Variants in PARN observed in about 807,000 individuals in gnomAD.
The protein encoded by PARN is poly(A)-specific ribonuclease PARN.
PARN carries 71 observed loss-of-function variants against 102.8 expected under a neutral mutation model. That is an observed-to-expected ratio of 0.69 (90% CI 0.57 to 0.84). The LOEUF is 0.84. PARN is among the 40% of genes least tolerant of loss of function. PARN has a pLI of 0.00. For synonymous variants in PARN, 261 were observed against 252.9 expected, an observed-to-expected ratio of 1.03 and a Z score of -0.30; for missense variants, 782 against 760.9, an observed-to-expected ratio of 1.03 and a Z score of -0.33.
chr16:14,512,797 G>A (rs906514950), intron 21 of PARN, among the ~76,000 whole-genome samples: 6 of 152,250 alleles, frequency 3.9e-5, no homozygotes, highest in Admixed American at 1.3e-4. Context: ...GAATTTGACC[G>A]TTCAGGTAAA....
chr16:14,604,278 G>A (rs1378748054), intron 10 of PARN, 52 bp from the exon 11 acceptor site: 3 of 1,167,698 alleles, frequency 2.6e-6, no homozygotes, highest in South Asian at 1.4e-5. Context: ...CTTTTTTTTT[G>A]AGACAGAGTT....
chr16:14,468,389 AT>A (rs1962498285), intron 22 of PARN, among the ~76,000 whole-genome samples: 1 of 152,366 alleles, frequency 6.6e-6, no homozygotes, highest in Admixed American at 6.5e-5. Context: ...CAGTCGGTCC[AT>A]GTTTTTAGAG....
At chr16:14,479,745 T>G (rs911007801) in intron 22 of PARN, among the ~76,000 whole-genome samples, 2 of 151,550 alleles carry the variant, frequency 1.3e-5, no homozygotes, top group African/African-American at 4.8e-5. Context: ...AGGTAGTGAG[T>G]CAAACCAATG....
chr16:14,551,526 G>T (rs368061859), intron 21 of PARN, among the ~76,000 whole-genome samples: 2 of 151,968 alleles, frequency 1.3e-5, no homozygotes, highest in East Asian at 3.9e-4. Flanking sequence ...CCGACATTGC[G>T]CCACTGCACT....
chr16:14,566,545 AT>A (rs1249873970), intron 18 of PARN, among the ~76,000 whole-genome samples: 1 of 152,192 alleles, frequency 6.6e-6, no homozygotes, highest in African/African-American at 2.4e-5. Flanking sequence ...AACACTTGGT[AT>A]TTTAAGCCAC....
chr16:14,550,250 C>G (rs145813784), intron 21 of PARN, among the ~76,000 whole-genome samples: 4 of 151,326 alleles, frequency 2.6e-5, no homozygotes, highest in African/African-American at 9.7e-5. Context: ...GGAAATGGAT[C>G]ACAGAAAAAA....
At chr16:14,627,917 G>A (rs1972778483) in intron 3 of PARN, among the ~76,000 whole-genome samples, 1 of 152,198 alleles carries the variant, frequency 6.6e-6, no homozygotes, top group African/African-American at 2.4e-5. Context: ...GCTGTGGCAG[G>A]AGAATCAGTT....
chr16:14,543,444 CAT>C (rs1217432909), intron 21 of PARN, among the ~76,000 whole-genome samples: 1 of 145,760 alleles, frequency 6.9e-6, no homozygotes, highest in Non-Finnish European at 1.6e-5. Flanking sequence ...TCTTAAAATA[CAT>C]AGAGAGTTTA....
intron 21 of PARN, among the ~76,000 whole-genome samples, chr16:14,498,196 G>A (rs1020768919): frequency 4.0e-5 from 6 of 151,582 alleles, no homozygotes; most frequent in Admixed American, 1.3e-4. Flanking sequence ...GTGAAACCCC[G>A]GAGGAGAGGA....
intron 18 of PARN, among the ~76,000 whole-genome samples, chr16:14,567,299 A>T (rs1300402379): frequency 6.6e-6 from 1 of 152,222 alleles, no homozygotes; most frequent in Non-Finnish European, 1.5e-5. Context: ...GGCTTGAAGC[A>T]TCTGCAGTGC....
At chr16:14,477,997 A>G (rs766915290) in intron 22 of PARN, among the ~76,000 whole-genome samples, 1 of 152,176 alleles carries the variant, frequency 6.6e-6, no homozygotes, top group Non-Finnish European at 1.5e-5. Flanking sequence ...TTAAACATTC[A>G]AGTATCAATT....
chr16:14,608,914 A>G, intron 8 of PARN, 144 bp downstream of exon 8: 1 of 621,150 alleles, frequency 1.6e-6, no homozygotes, highest in East Asian at 2.8e-5. Flanking sequence ...GTGTAACGCT[A>G]AAGTTAGTGT....
In PARN at chr16:14,446,960, C is replaced by T; in HGVS notation, c.1792G>A (p.Ala598Thr). ...TTCCTTCCCTCTGAGAGGGGCTCTGCACAGGAATCGGTCTGCTCAAGCTCA... is the reference window on the plus strand; with the variant it reads ...TTCCTTCCCTCTGAGAGGGGCTCTGTACAGGAATCGGTCTGCTCAAGCTCA... ...DTELEQTDSC[A>T]EPLSEGRKKA... The change falls in exon 23 of 24, where the codon GCA becomes ACA. Residue 598 changes from alanine to threonine, a missense_variant. Physicochemically the swap from Ala to Thr is moderately conservative, Grantham distance 58. Coordinates refer to ENST00000437198, the MANE Select transcript of PARN (RefSeq NM_002582.4). The T allele has an allele frequency of 1.9e-6, 3 of 1,613,772 alleles. No individual in the cohort carries two copies. The highest frequency in any genetic ancestry group is 2.2e-5 in the East Asian group (1 of 44,878).
chr16:14,522,208 A>T (rs1275036580), intron 21 of PARN, among the ~76,000 whole-genome samples: 1 of 152,264 alleles, frequency 6.6e-6, no homozygotes. Flanking sequence ...AATACTACAG[A>T]GAGATCTTTA....
chr16:14,591,755 C>T (rs779240049), intron 13 of PARN, among the ~76,000 whole-genome samples: 2 of 152,010 alleles, frequency 1.3e-5, no homozygotes, highest in Non-Finnish European at 2.9e-5. Context: ...TAAAAACAAT[C>T]AGCTGGGCAT....
intron 22 of PARN, among the ~76,000 whole-genome samples, chr16:14,448,292 G>C (rs1961293324): frequency 6.6e-6 from 1 of 152,194 alleles, no homozygotes; most frequent in Non-Finnish European, 1.5e-5. Context: ...AGGATTACAG[G>C]CATGCACCAC....
chr16:14,609,190 A>C, intron 7 of PARN, 67 bp from the exon 8 acceptor site: 1 of 741,970 alleles, frequency 1.3e-6, no homozygotes, highest in Non-Finnish European at 2.3e-6. Context: ...CCAAGAAAAT[A>C]ATCACAACCA....
chr16:14,617,033 T>C (rs1415818971), intron 6 of PARN, among the ~76,000 whole-genome samples: 3 of 150,700 alleles, frequency 2.0e-5, no homozygotes, highest in Admixed American at 1.3e-4. Context: ...AAGTAGTATC[T>C]ATTCTGTTTA....
At chr16:14,537,701 T>G (rs1966668841) in intron 21 of PARN, among the ~76,000 whole-genome samples, 1 of 152,134 alleles carries the variant, frequency 6.6e-6, no homozygotes, top group Non-Finnish European at 1.5e-5. Context: ...AAATGCATGT[T>G]CTGATTCGTA....
Sources: allele counts gnomAD v4.1 joint callset (sites outside exome capture counted in the v4.1 genomes callset), GRCh38; gene constraint gnomAD v4.1.1; transcripts MANE v1.5; gene names NCBI Gene and HGNC (gene_info 2026-07-23, HGNC 2026-07-21).